The following RXFP1 variants were observed in gnomAD, a reference collection of about 807,000 sequenced individuals.
RXFP1 encodes the protein relaxin receptor 1.
A neutral mutation model predicts 89.8 loss-of-function variants in RXFP1; 73 were observed. The ratio of observed to expected loss-of-function variants is 0.81; its 90% CI spans 0.67 to 0.99. RXFP1 has a LOEUF of 0.99. Among genes scored for constraint, RXFP1 ranks in the 50% least tolerant of loss-of-function variants. The pLI is 0.00. For missense variants in RXFP1, 793 were observed against 895.5 expected, an observed-to-expected ratio of 0.89 and a Z score of 1.46; for synonymous variants, 277 against 305.5, an observed-to-expected ratio of 0.91 and a Z score of 0.97.
At chr4:158,632,035 T>A (rs985240549) in intron 11 of RXFP1, among the ~76,000 whole-genome samples, 1 of 152,180 alleles carries the variant, frequency 6.6e-6, no homozygotes, top group Non-Finnish European at 1.5e-5. Flanking sequence ...GAGGTTGCAG[T>A]GAGCCGTTTG....
intron 1 of RXFP1, among the ~76,000 whole-genome samples, chr4:158,534,664 C>T (rs1352400638): frequency 6.6e-6 from 1 of 151,970 alleles, no homozygotes; most frequent in Non-Finnish European, 1.5e-5. Context: ...ATTATATCCT[C>T]ACATGAACCC....
intron 11 of RXFP1, among the ~76,000 whole-genome samples, chr4:158,632,496 T>C (rs1193031888): frequency 3.3e-5 from 5 of 152,198 alleles, no homozygotes; most frequent in African/African-American, 1.2e-4. Flanking sequence ...CTCAAGTCTA[T>C]TGAAACTTTT....
chr4:158,546,679 A>G (rs1457924154), intron 1 of RXFP1, among the ~76,000 whole-genome samples: 3 of 152,142 alleles, frequency 2.0e-5, no homozygotes. Flanking sequence ...GAATTTTGTC[A>G]AAGGCCTTTT....
intron 2 of RXFP1, among the ~76,000 whole-genome samples, chr4:158,573,407 C>A (rs1755555806): frequency 6.6e-6 from 1 of 152,222 alleles, no homozygotes; most frequent in South Asian, 2.1e-4. Flanking sequence ...GTCCAACCCG[C>A]AGCCTGCAGG....
At chr4:158,576,098 A>C (rs1756136077) in intron 2 of RXFP1, among the ~76,000 whole-genome samples, 1 of 152,228 alleles carries the variant, frequency 6.6e-6, no homozygotes, top group Non-Finnish European at 1.5e-5. Flanking sequence ...GGGAAAGATC[A>C]TAATTCACTC....
intron 1 of RXFP1, among the ~76,000 whole-genome samples, chr4:158,562,742 T>C (rs780852769): frequency 6.6e-6 from 1 of 152,180 alleles, no homozygotes; most frequent in Non-Finnish European, 1.5e-5. Flanking sequence ...TCCGGGGCAG[T>C]TGATCTTAAA....
chr4:158,573,184 A>G (rs1341889906), intron 2 of RXFP1: 19 of 184,434 alleles, frequency 1.0e-4, no homozygotes, highest in Non-Finnish European at 2.1e-4. Flanking sequence ...AATTTTTTGT[A>G]TTTTTAGTAA....
rs140089905 is a variant in RXFP1, at chr4:158,587,398, T to C, written c.188-6003T>C. Among the ~76,000 whole-genome samples, 292 of 152,336 alleles carry C rather than the reference T, an allele frequency of 1.9e-3. 1 individual carries two copies. The highest frequency in any genetic ancestry group is 3.7e-3 in the South Asian group (18 of 4,828). On this transcript the variant is annotated intron_variant, in intron 2 of 17. Transcript: ENST00000307765. ...AATACCTTGATTTGCAATACTTTCA[T>C]TGATTTCATAAAGAAAAATAATGTG...
intron 1 of RXFP1, among the ~76,000 whole-genome samples, chr4:158,556,332 T>A (rs1373984516): frequency 6.6e-6 from 1 of 151,730 alleles, no homozygotes; most frequent in Non-Finnish European, 1.5e-5. Context: ...TCAACATCAC[T>A]AATTATCAGG....
rs73860524 is a variant in RXFP1, at chr4:158,563,412, G to A, written c.50-9286G>A. 3.9e-3 allele frequency among the ~76,000 whole-genome samples: 585 copies of A among 151,708 alleles called. 2 individuals carry two copies. The highest frequency in any genetic ancestry group is 0.013 in the African/African-American group (555 of 41,346). ...ATTCATATAAATATAAAATAAAAAT[G>A]TCTCAAAGACCTCAAAGACTTTAAT... On this transcript the variant is annotated intron_variant, in intron 1 of 17. Transcript: ENST00000307765.
intron 12 of RXFP1, among the ~76,000 whole-genome samples, chr4:158,635,142 C>T (rs764300523): frequency 4.0e-5 from 6 of 151,762 alleles, no homozygotes; most frequent in Non-Finnish European, 7.4e-5. Flanking sequence ...AATATTAAGT[C>T]TTCTGATCTG....
chr4:158,612,176 G>A lies in RXFP1; in HGVS notation c.583G>A (p.Glu195Lys). ...RITFLKPGVF[E>K]DLHRLEWLII... Reference sequence around the variant, plus strand: ...AACCTTCCTGAAGCCGGGTGTTTTTGAAGATCTTCACAGACTAGAATGGCT... The same window carrying A: ...AACCTTCCTGAAGCCGGGTGTTTTTAAAGATCTTCACAGACTAGAATGGCT... The change falls in exon 7 of 18, where the codon GAA (glutamate) becomes AAA (lysine). Residue 195 changes from glutamate (E) to lysine (K), a missense_variant. Physicochemically the swap from Glu to Lys is moderately conservative, Grantham distance 56. Transcript: ENST00000307765. The A allele has an allele frequency of 6.2e-7, 1 of 1,611,268 alleles. No homozygotes were observed. Among genetic ancestry groups the A allele is most frequent in the Admixed American group, 1.7e-5 (1 of 59,632 alleles).
In RXFP1 at chr4:158,607,978, G is replaced by A. The variant is rs192455740; in HGVS notation, c.471G>A (p.Leu157=). The A allele has an allele frequency of 4.8e-5, 77 of 1,597,972 alleles. No individual in the cohort carries two copies. In the Admixed American group the frequency reaches 1.2e-3, roughly 26 times the overall value. Residue 157 remains leucine, a synonymous_variant, in exon 6 of 18, where the codon CTG becomes CTA. Transcript: ENST00000307765. The part of the protein sequence containing the change: ...KNYHDLQKLY[L]QNNKITSISI... ...TTAATAATCATTTTCACAGGTACCT[G>A]CAAAACAATAAGATTACATCCATCT...
At chr4:158,632,697 A>T (rs755457786) in intron 11 of RXFP1, among the ~76,000 whole-genome samples, 4 of 152,202 alleles carry the variant, frequency 2.6e-5, no homozygotes, top group Non-Finnish European at 5.9e-5. Flanking sequence ...GCCTGTGTAT[A>T]TCAGCTGTGG....
At chr4:158,565,186 T>C (rs1369145800) in intron 1 of RXFP1, among the ~76,000 whole-genome samples, 1 of 152,070 alleles carries the variant, frequency 6.6e-6, no homozygotes, top group African/African-American at 2.4e-5. Flanking sequence ...ATAATAAATA[T>C]ATTAAGTTAA....
At chr4:158,567,866 A>G (rs1041943652) in intron 1 of RXFP1, among the ~76,000 whole-genome samples, 9 of 152,198 alleles carry the variant, frequency 5.9e-5, no homozygotes, top group African/African-American at 1.7e-4. Context: ...CAGGCTGCCC[A>G]AGTCAGCAGT....
chr4:158,652,122 TGAAA>T lies in RXFP1; in HGVS notation c.*68_*71del. The T allele has an allele frequency of 1.6e-6, 2 of 1,282,568 alleles. No homozygotes were observed. The highest frequency in any genetic ancestry group is 2.1e-6 in the Non-Finnish European group (2 of 931,548). 79.4% of individuals were successfully genotyped at this position (1,282,568 alleles called of 1,614,324 possible). ...GTGCTTCATGAGGGATTTACTGGTA[TGAAA>T]TGAATACCACAAAATTAATTTATAA... On this transcript the variant is annotated 3_prime_UTR_variant, in exon 18 of 18. Coordinates refer to ENST00000307765, the MANE Select transcript of RXFP1 (RefSeq NM_021634.4).
intron 1 of RXFP1, among the ~76,000 whole-genome samples, chr4:158,547,762 G>C (rs1453532062): frequency 6.6e-6 from 1 of 152,138 alleles, no homozygotes; most frequent in Non-Finnish European, 1.5e-5. Context: ...GAGCAGTTTT[G>C]AGTGAGTTTC....
intron 4 of RXFP1, among the ~76,000 whole-genome samples, chr4:158,604,015 C>G (rs1406358156): frequency 6.6e-6 from 1 of 151,296 alleles, no homozygotes; most frequent in Admixed American, 6.6e-5. Context: ...CAATTCTCAC[C>G]TTCATTGAGA....
Sources: allele counts gnomAD v4.1 joint callset (sites outside exome capture counted in the v4.1 genomes callset), GRCh38; gene constraint gnomAD v4.1.1; transcripts MANE v1.5; gene names NCBI Gene and HGNC (gene_info 2026-07-23, HGNC 2026-07-21).